Variants in MEIS2 observed in about 807,000 individuals in gnomAD.
MEIS2 encodes homeobox protein Meis2.
Under a neutral mutation model 58.6 loss-of-function variants are expected in MEIS2, and 9 were observed. That is an observed-to-expected ratio of 0.15 (90% CI 0.09 to 0.27). The LOEUF (loss-of-function observed/expected upper bound fraction) is 0.27. Ranked by LOEUF, MEIS2 falls within the 10% of genes least tolerant of loss-of-function variation. The pLI is 1.00. For synonymous variants in MEIS2, 221 were observed against 228.4 expected (o/e 0.97, Z 0.29); for missense variants, 427 against 635.0 (o/e 0.67, Z 3.52).
At chr15:37,042,967 T>C (rs2062492478) in intron 7 of MEIS2, among the ~76,000 whole-genome samples, 1 of 152,208 alleles carries the variant, frequency 6.6e-6, no homozygotes, top group Admixed American at 6.5e-5. Context: ...AAAAACTTCA[T>C]AGAACTGTGA....
chr15:36,895,508 T>C (rs560047854), intron 10 of MEIS2, among the ~76,000 whole-genome samples: 1 of 152,242 alleles, frequency 6.6e-6, no homozygotes, highest in South Asian at 2.1e-4. Flanking sequence ...AGCCCTTGCT[T>C]TTTTACTTAT....
At chr15:37,022,531 G>A (rs972945436) in intron 8 of MEIS2, among the ~76,000 whole-genome samples, 3 of 152,118 alleles carry the variant, frequency 2.0e-5, no homozygotes, top group African/African-American at 4.8e-5. Context: ...TTACAGGCAT[G>A]AGCCACCACA....
chr15:37,032,119 T>G lies in MEIS2; in HGVS notation c.900+4695A>C, dbSNP rs138890179. ...CTTATATCACTTTTAAAAGTAAAATTTGCTTCTGATTCTGTAACACACATC... is the reference window on the plus strand; with the variant it reads ...CTTATATCACTTTTAAAAGTAAAATGTGCTTCTGATTCTGTAACACACATC... On this transcript the variant is annotated intron_variant, in intron 8 of 11. Coordinates refer to ENST00000561208, the MANE Select transcript of MEIS2 (RefSeq NM_170675.5). 1.8e-4 allele frequency among the ~76,000 whole-genome samples: 28 copies of G among 152,244 alleles called. 1 individual carries two copies. The East Asian group carries it at 3.7e-3, about 20-fold the overall frequency.
chr15:37,064,873 T>A (rs978098904), intron 7 of MEIS2, among the ~76,000 whole-genome samples: 3 of 152,212 alleles, frequency 2.0e-5, no homozygotes, highest in Non-Finnish European at 2.9e-5. Flanking sequence ...GAATAAATTA[T>A]CTATTGTCTG....
chr15:36,906,272 C>T (rs2056732252), intron 9 of MEIS2, among the ~76,000 whole-genome samples: 1 of 151,966 alleles, frequency 6.6e-6, no homozygotes, highest in South Asian at 2.1e-4. Context: ...TTTCCAAGAG[C>T]TATGTATAGG....
intron 7 of MEIS2, among the ~76,000 whole-genome samples, chr15:37,038,684 C>A (rs1432916309): frequency 3.3e-5 from 5 of 152,134 alleles, no homozygotes; most frequent in African/African-American, 1.2e-4. Flanking sequence ...AAAAGGGACC[C>A]CATATAGTCA....
At chr15:37,023,550 T>C (rs2061595402) in intron 8 of MEIS2, among the ~76,000 whole-genome samples, 1 of 152,238 alleles carries the variant, frequency 6.6e-6, no homozygotes, top group Admixed American at 6.5e-5. Context: ...TCTTACTTAC[T>C]GGTCTGTCAT....
At chr15:36,906,702 C>T (rs1315470302) in intron 9 of MEIS2, among the ~76,000 whole-genome samples, 1 of 148,732 alleles carries the variant, frequency 6.7e-6, no homozygotes, top group Non-Finnish European at 1.5e-5. Context: ...AAGGTAGGGA[C>T]TTAACTTCAA....
chr15:37,073,122 T>C (rs939358327), intron 7 of MEIS2, among the ~76,000 whole-genome samples: 5 of 152,078 alleles, frequency 3.3e-5, no homozygotes, highest in African/African-American at 1.2e-4. Context: ...ATTTTGGGGC[T>C]CCACTATTAG....
chr15:37,095,123 T>A (rs1894047930), intron 4 of MEIS2: 1 of 184,980 alleles, frequency 5.4e-6, no homozygotes, highest in Non-Finnish European at 1.1e-5. Flanking sequence ...AGCAAAAGAA[T>A]CGCACCTAAA....
At chr15:37,019,436 A>C (rs1055557168) in intron 8 of MEIS2, among the ~76,000 whole-genome samples, 12 of 152,180 alleles carry the variant, frequency 7.9e-5, no homozygotes, top group Non-Finnish European at 1.5e-5. Context: ...AGCTATGTCA[A>C]TGGAATATGC....
At chr15:36,984,620 T>C (rs73391579) in intron 8 of MEIS2, among the ~76,000 whole-genome samples, 2,558 of 152,318 alleles carry the variant, frequency 0.017, 62 homozygotes, top group African/African-American at 0.056. Context: ...AGTTTGGAAG[T>C]GTTCCCTTCT....
intron 8 of MEIS2, among the ~76,000 whole-genome samples, chr15:36,985,622 A>T (rs1484500508): frequency 6.6e-6 from 1 of 152,136 alleles, no homozygotes; most frequent in Non-Finnish European, 1.5e-5. Flanking sequence ...CACTTCCCAC[A>T]CTGGCTTTCT....
At chr15:37,035,040 G>C (rs1350346236) in intron 8 of MEIS2, among the ~76,000 whole-genome samples, 1 of 152,102 alleles carries the variant, frequency 6.6e-6, no homozygotes, top group Non-Finnish European at 1.5e-5. Flanking sequence ...CTGTTTGCTT[G>C]GAAAGCAGCT....
chr15:36,991,076 A>C (rs1182702176), intron 8 of MEIS2, among the ~76,000 whole-genome samples: 2 of 152,164 alleles, frequency 1.3e-5, no homozygotes, highest in African/African-American at 4.8e-5. Flanking sequence ...TTAACATTTG[A>C]GTATGTCAAC....
intron 7 of MEIS2, among the ~76,000 whole-genome samples, chr15:37,073,665 C>T (rs1846969172): frequency 6.6e-6 from 1 of 151,998 alleles, no homozygotes; most frequent in Admixed American, 6.6e-5. Context: ...TTCCAATAAT[C>T]AATGATTTAT....
At chr15:37,019,720 A>C (rs746941552) in intron 8 of MEIS2, among the ~76,000 whole-genome samples, 1 of 152,188 alleles carries the variant, frequency 6.6e-6, no homozygotes, top group Non-Finnish European at 1.5e-5. Context: ...AGGGCCCAAC[A>C]GCAGGCCCTG....
chr15:36,920,242 C>T (rs2057448354), intron 9 of MEIS2, among the ~76,000 whole-genome samples: 1 of 152,080 alleles, frequency 6.6e-6, no homozygotes, highest in Non-Finnish European at 1.5e-5. Flanking sequence ...CTCCACCTCC[C>T]GGGTTCAAGC....
intron 2 of MEIS2, chr15:37,097,283 G>A (rs1894386484): frequency 6.6e-6 from 1 of 152,204 alleles, no homozygotes; most frequent in Admixed American, 6.5e-5. Flanking sequence ...TCAGCCGGAA[G>A]AGCTCGTGTG....
Sources: gnomAD v4.1 joint callset for allele counts (sites outside exome capture counted in the v4.1 genomes callset) on GRCh38, gnomAD v4.1.1 for gene constraint, MANE v1.5 for transcripts, NCBI Gene and HGNC (gene_info 2026-07-23, HGNC 2026-07-21) for gene names.